LYRM7: variants seen among roughly 807,000 people sequenced by gnomAD.
The protein encoded by LYRM7 is complex III assembly factor LYRM7.
In LYRM7, 9 loss-of-function variants were observed where a neutral mutation model predicts 15.8. The ratio of observed to expected loss-of-function variants is 0.57; its 90% CI spans 0.34 to 0.99. The LOEUF (loss-of-function observed/expected upper bound fraction) is 0.99. Ranked by LOEUF, LYRM7 falls within the 50% of genes least tolerant of loss-of-function variation. The probability of loss-of-function intolerance (pLI) is 0.02; values close to 1 mark genes in which losing one functional copy is unlikely to be tolerated. For missense variants in LYRM7, 115 were observed against 119.1 expected, an observed-to-expected ratio of 0.97 and a Z score of 0.16; for synonymous variants, 39 against 39.4, an observed-to-expected ratio of 0.99 and a Z score of 0.04.
At chr5:131,175,133 A>AAGG (rs1460452223) in intron 1 of LYRM7, among the ~76,000 whole-genome samples, 1 of 147,830 alleles carries the variant, frequency 6.8e-6, no homozygotes, top group Non-Finnish European at 1.5e-5. Context: ...CATAATTCTT[A>AAGG]AGGGTCCTAG....
At chr5:131,171,200 T>C (rs1000993062) in intron 1 of LYRM7, among the ~76,000 whole-genome samples, 162 bp downstream of exon 1, 15 of 138,376 alleles carry the variant, frequency 1.1e-4, no homozygotes, top group African/African-American at 4.9e-4. Flanking sequence ...CTAGGGGCAG[T>C]TGAGGGTTTG....
In LYRM7 at chr5:131,199,796, G is replaced by A. The variant is rs2149667056; in HGVS notation, c.*195G>A. On this transcript the variant is annotated 3_prime_UTR_variant, in exon 5 of 5. Transcript: ENST00000379380. ...AAGAACATAATTAAGTATTTCTAAA[G>A]GAAATTAGATAAGAAAACATTTCAT... The A allele has an allele frequency of 1.9e-5, 7 of 367,486 alleles. No homozygotes were observed. In the South Asian group the frequency reaches 2.7e-4, roughly 14 times the overall value. The allele number at this position is 367,486 out of a possible 1,614,324, so 22.8% of individuals were successfully genotyped here. A position where few individuals can be genotyped will look rare whatever the true frequency, so the allele number is the denominator to read the frequency against.
At chr5:131,192,690 A>G (rs1755905141) in intron 4 of LYRM7, among the ~76,000 whole-genome samples, 1 of 152,106 alleles carries the variant, frequency 6.6e-6, no homozygotes, top group Non-Finnish European at 1.5e-5. Flanking sequence ...TTTGGAAACT[A>G]TTTTTCTTTC....
At position 131,202,574 on chromosome 5, in the gene LYRM7, C is replaced by G. The variant is rs938304536; in HGVS notation, c.*2973C>G. On this transcript the variant is annotated 3_prime_UTR_variant, in exon 5 of 5. Coordinates refer to ENST00000379380, the MANE Select transcript of LYRM7 (RefSeq NM_181705.4). ...GGAGTGCAGTAGCTATTCATAGGCA[C>G]AGTCATAGCACACTGCAGCCTAGAA... The G allele has an allele frequency of 5.2e-5, 8 of 152,884 alleles. No individual in the cohort carries two copies. The highest frequency in any genetic ancestry group is 4.6e-4 in the Admixed American group (7 of 15,274). The allele number at this position is 152,884 out of a possible 1,614,324, so 9.5% of individuals were successfully genotyped here. A position where few individuals can be genotyped will look rare whatever the true frequency, so the allele number is the denominator to read the frequency against.
chr5:131,174,016 G>T (rs1755561865), intron 1 of LYRM7, among the ~76,000 whole-genome samples: 1 of 152,190 alleles, frequency 6.6e-6, no homozygotes, highest in African/African-American at 2.4e-5. Context: ...AGCATGCAAT[G>T]CTGTTTGATA....
At chr5:131,178,363 C>G (rs953304649) in intron 1 of LYRM7, among the ~76,000 whole-genome samples, 1 of 152,136 alleles carries the variant, frequency 6.6e-6, no homozygotes, top group Non-Finnish European at 1.5e-5. Context: ...ATTACAGAGA[C>G]ATTTCTAAAG....
chr5:131,181,397 T>TGTTA (rs200207805), intron 2 of LYRM7, among the ~76,000 whole-genome samples: 2 of 99,386 alleles, frequency 2.0e-5, no homozygotes, highest in African/African-American at 1.3e-4. Flanking sequence ...TACATATATA[T>TGTTA]TATATATACA....
intron 4 of LYRM7, among the ~76,000 whole-genome samples, chr5:131,189,861 T>A (rs191703417): frequency 3.5e-3 from 527 of 152,104 alleles, no homozygotes; most frequent in Non-Finnish European, 5.7e-3. Context: ...GGCTGGGCAC[T>A]GTGGTTCACA....
intron 4 of LYRM7, among the ~76,000 whole-genome samples, chr5:131,188,370 G>C (rs1248285696): frequency 7.3e-6 from 1 of 137,410 alleles, no homozygotes. Context: ...TTCATAAAAT[G>C]AAATACCCAT....
intron 1 of LYRM7, among the ~76,000 whole-genome samples, chr5:131,173,703 C>G (rs550805140): frequency 5.0e-4 from 76 of 152,256 alleles, no homozygotes; most frequent in Non-Finnish European, 9.8e-4. Flanking sequence ...GAGCCGAGAT[C>G]GCACCATTGC....
intron 2 of LYRM7, among the ~76,000 whole-genome samples, chr5:131,181,415 GT>G (rs1465742526): frequency 0.026 from 2,515 of 98,496 alleles, 175 homozygotes; most frequent in African/African-American, 0.094. Flanking sequence ...ACATATATAT[GT>G]TTATATATAT....
At chr5:131,192,092 A>T (rs1425809835) in intron 4 of LYRM7, among the ~76,000 whole-genome samples, 1 of 151,492 alleles carries the variant, frequency 6.6e-6, no homozygotes, top group African/African-American at 2.4e-5. Context: ...ATGCAATATT[A>T]TTCAGCCATA....
At chr5:131,197,846 CTGTGTGTGTGTGTGTGTG>C (rs56146861) in intron 4 of LYRM7, among the ~76,000 whole-genome samples, 3 of 143,286 alleles carry the variant, frequency 2.1e-5, no homozygotes, top group African/African-American at 7.9e-5. Context: ...CATCTGGCCA[CTGTGTGTGTGTGTGTGTG>C]TGTGTGTGTG....
At chr5:131,195,005 T>G (rs1412712105) in intron 4 of LYRM7, among the ~76,000 whole-genome samples, 24 of 152,170 alleles carry the variant, frequency 1.6e-4, no homozygotes, top group Admixed American at 1.4e-3. Context: ...GGCTCACACC[T>G]GTTATCCCGG....
At chr5:131,186,696 C>G (rs1224059446) in intron 3 of LYRM7, among the ~76,000 whole-genome samples, 2 of 152,124 alleles carry the variant, frequency 1.3e-5, no homozygotes, top group African/African-American at 4.8e-5. Flanking sequence ...ACCGAGATGG[C>G]TACTAAGTGA....
intron 2 of LYRM7, among the ~76,000 whole-genome samples, chr5:131,181,413 AT>A (rs1429129694): frequency 1.7e-5 from 2 of 119,218 alleles, no homozygotes; most frequent in East Asian, 2.1e-4. Context: ...ATACATATAT[AT>A]GTTTATATAT....
intron 3 of LYRM7, among the ~76,000 whole-genome samples, chr5:131,186,654 G>A (rs985844941): frequency 2.0e-5 from 3 of 152,148 alleles, no homozygotes; most frequent in Admixed American, 2.0e-4. Flanking sequence ...TTGAATATAA[G>A]CACTGCAGTG....
At chr5:131,195,729 A>G (rs1356459778) in intron 4 of LYRM7, among the ~76,000 whole-genome samples, 1 of 152,162 alleles carries the variant, frequency 6.6e-6, no homozygotes, top group African/African-American at 2.4e-5. Flanking sequence ...ATGACTGGAA[A>G]CCAATTTGAA....
Position 131,171,041 on chromosome 5 carries a change from G to T in LYRM7, c.18+3G>T. The T allele has an allele frequency of 6.5e-7, 1 of 1,530,808 alleles. No homozygotes were observed. The highest frequency in any genetic ancestry group is 2.6e-5 in the East Asian group (1 of 38,226). The allele number at this position is 1,530,808 out of a possible 1,614,324, so 94.8% of individuals were successfully genotyped here. ...GAGCCATGGGACGGGCAGTCAAGGT[G>T]ACAGGGCCCGGGAAGGGGTGGGTAC... is the stretch of plus-strand genomic sequence containing the variant. On this transcript the variant is annotated splice_donor_region_variant and intron_variant, in intron 1 of 4. Transcript: ENST00000379380.
Sources: gnomAD v4.1 joint callset for allele counts (sites outside exome capture counted in the v4.1 genomes callset) on GRCh38, gnomAD v4.1.1 for gene constraint, MANE v1.5 for transcripts, NCBI Gene and HGNC (gene_info 2026-07-23, HGNC 2026-07-21) for gene names.